ARHGEF18: variants seen among roughly 807,000 people sequenced by gnomAD.
ARHGEF18 encodes rho guanine nucleotide exchange factor 18.
A neutral mutation model predicts 155.7 loss-of-function variants in ARHGEF18; 93 were observed. The observed-to-expected ratio is 0.60, with a 90% CI of 0.50 to 0.71. ARHGEF18 has a LOEUF of 0.71. Among genes scored for constraint, ARHGEF18 ranks in the 30% least tolerant of loss-of-function variants. The pLI, the probability that ARHGEF18 is intolerant of heterozygous loss-of-function variation, is 0.00. For synonymous variants in ARHGEF18, 742 were observed against 753.1 expected (o/e 0.99, Z 0.24); for missense variants, 1,593 against 1,816.1 (o/e 0.88, Z 2.23).
intron 7 of ARHGEF18, among the ~76,000 whole-genome samples, chr19:7,380,314 TA>T (rs374698954): frequency 0.021 from 3,156 of 151,228 alleles, 100 homozygotes; most frequent in East Asian, 0.063. Flanking sequence ...CCGTCTCTAC[TA>T]AAAAATACAA....
At chr19:7,459,865 G>T (rs777225540) in intron 19 of ARHGEF18, 38 bp from the exon 20 acceptor site, 35 of 1,534,266 alleles carry the variant, frequency 2.3e-5, no homozygotes, top group Non-Finnish European at 3.0e-5. Flanking sequence ...TGGCCTGCCT[G>T]GGAAGCACAG....
intron 10 of ARHGEF18, among the ~76,000 whole-genome samples, chr19:7,410,278 C>T (rs1056355182): frequency 6.6e-6 from 1 of 152,028 alleles, no homozygotes; most frequent in Non-Finnish European, 1.5e-5. Context: ...GAAAGAGAAA[C>T]CCCCGGCCTC....
At chr19:7,384,355 GA>G (rs1273547735) in intron 10 of ARHGEF18, among the ~76,000 whole-genome samples, 2 of 152,194 alleles carry the variant, frequency 1.3e-5, no homozygotes, top group African/African-American at 4.8e-5. Flanking sequence ...CTCCAGACAG[GA>G]ATCAATGGGT....
At position 7,352,248 on chromosome 19, in the gene ARHGEF18, C is replaced by G. The variant is rs572773140; in HGVS notation, c.-111+3007C>G. On this transcript the variant is annotated intron_variant, in intron 1 of 28. Transcript: ENST00000668164. Reference sequence around the variant, plus strand: ...AAAGATCACTTTAATCTGATTGTGACCTATGCTGACTTGAAGATGGATTTT... The same window carrying G: ...AAAGATCACTTTAATCTGATTGTGAGCTATGCTGACTTGAAGATGGATTTT... Among the ~76,000 whole-genome samples the G allele has an allele frequency of 1.1e-4, 17 of 151,298 alleles. No homozygotes were observed. In the South Asian group the frequency reaches 3.4e-3, roughly 30 times the overall value.
At chr19:7,378,189 A>G (rs1970551868) in intron 5 of ARHGEF18, among the ~76,000 whole-genome samples, 1 of 152,154 alleles carries the variant, frequency 6.6e-6, no homozygotes, top group African/African-American at 2.4e-5. Context: ...GTAGGTTGTA[A>G]GCACTCACGA....
rs989799167 is a variant in ARHGEF18, at chr19:7,352,811, G to C, written c.-111+3570G>C. Reference sequence around the variant, plus strand: ...GCCTCCCAAAGTGCTGGAATTACAGGTGTGAGTCGCCGTGCCTGGCCTTTT... The same window carrying C: ...GCCTCCCAAAGTGCTGGAATTACAGCTGTGAGTCGCCGTGCCTGGCCTTTT... On this transcript the variant is annotated intron_variant, in intron 1 of 28. Coordinates refer to ENST00000668164, the MANE Select transcript of ARHGEF18 (RefSeq NM_001367823.1). Among the ~76,000 whole-genome samples the C allele has an allele frequency of 2.8e-5, 4 of 142,622 alleles. No homozygotes were observed. The Admixed American group carries it at 2.9e-4, about 10-fold the overall frequency. 93.6% of individuals were successfully genotyped at this position (142,622 alleles called of 152,430 possible). A position where few individuals can be genotyped will look rare whatever the true frequency, so the allele number is the denominator to read the frequency against.
At chr19:7,467,191 C>G in intron 25 of ARHGEF18, 23 bp from the exon 26 acceptor site, 1 of 1,580,002 alleles carries the variant, frequency 6.3e-7, no homozygotes, top group South Asian at 1.1e-5. Context: ...GGCTCTCACT[C>G]GCCTGGCCCT....
intron 14 of ARHGEF18, among the ~76,000 whole-genome samples, chr19:7,445,116 T>A (rs1312954509): frequency 1.3e-5 from 2 of 152,170 alleles, no homozygotes; most frequent in Non-Finnish European, 2.9e-5. Flanking sequence ...TGGTTTTTGG[T>A]TTTTGGTTCA....
downstream of ARHGEF18, among the ~76,000 whole-genome samples, chr19:7,476,341 T>G (rs1200201202): frequency 6.8e-6 from 1 of 146,900 alleles, no homozygotes; most frequent in Non-Finnish European, 1.5e-5. Context: ...GCAATTGATA[T>G]CACATGAGGC....
intron 10 of ARHGEF18, among the ~76,000 whole-genome samples, chr19:7,401,987 C>T (rs1167764407): frequency 6.6e-6 from 1 of 152,154 alleles, no homozygotes; most frequent in South Asian, 2.1e-4. Flanking sequence ...CTGTATGATT[C>T]CATTTATATG....
chr19:7,361,889 G>A (rs1488904393), intron 1 of ARHGEF18, among the ~76,000 whole-genome samples: 2 of 151,784 alleles, frequency 1.3e-5, no homozygotes, highest in East Asian at 1.9e-4. Context: ...CTACTCAGGA[G>A]GCTGAGGCAG....
In ARHGEF18 at chr19:7,383,213, G is replaced by A. The variant is rs1970829953; in HGVS notation, c.967+10G>A. On this transcript the variant is annotated intron_variant, in intron 10 of 28. Transcript: ENST00000668164. ...CCTTTCTTGAGCTCAGGTAAGTCTG[G>A]TGGCCCAATCCATCCTCCTGGAGGG... 1 of 1,232,376 alleles carries A rather than the reference G, an allele frequency of 8.1e-7. No homozygotes were observed. 76.3% of individuals were successfully genotyped at this position (1,232,376 alleles called of 1,614,324 possible).
At chr19:7,450,618 C>CTGTCTG (rs1975343376) in intron 15 of ARHGEF18, among the ~76,000 whole-genome samples, 1 of 102 alleles carries the variant, frequency 9.8e-3, no homozygotes, top group African/African-American at 0.05. Flanking sequence ...TGGGATCTTG[C>CTGTCTG]TTTCCATTTC....
intron 10 of ARHGEF18, among the ~76,000 whole-genome samples, chr19:7,400,866 G>T (rs1971991791): frequency 1.3e-5 from 2 of 152,072 alleles, no homozygotes; most frequent in Non-Finnish European, 2.9e-5. Context: ...ATGAAAAGAG[G>T]GAGTCCTGAG....
chr19:7,416,695 C>T (rs1269424940), intron 10 of ARHGEF18, among the ~76,000 whole-genome samples: 7 of 150,430 alleles, frequency 4.7e-5, no homozygotes, highest in African/African-American at 1.2e-4. Flanking sequence ...CTCTGCCTCC[C>T]GGGTTCACAC....
Position 7,410,887 on chromosome 19 carries a change from T to TAA in ARHGEF18, c.967+27689_967+27690dup, listed in dbSNP as rs79760255. Among the ~76,000 whole-genome samples the TAA allele has an allele frequency of 1.7e-3, 254 of 150,276 alleles. 6 individuals are homozygous for TAA. The East Asian group carries it at 0.042, about 25-fold the overall frequency. On this transcript the variant is annotated intron_variant, in intron 10 of 28. Transcript: ENST00000668164. ...AGTCAATAGAACTAACATAATTGTT[T>TAA]AAAAAATGCCACGCACTGCCCTTCC...
chr19:7,364,816 G>A (rs1056235815), intron 2 of ARHGEF18, among the ~76,000 whole-genome samples: 1 of 152,170 alleles, frequency 6.6e-6, no homozygotes, highest in African/African-American at 2.4e-5. Flanking sequence ...ACATAGTTCA[G>A]CTCCAGCTCC....
At position 7,462,459 on chromosome 19, in the gene ARHGEF18, G is replaced by C. The variant is rs905595927; in HGVS notation, c.2635+125G>C. 1.4e-4 allele frequency: 10 copies of C among 71,390 alleles called. No individual in the cohort carries two copies. Among genetic ancestry groups the C allele is most frequent in the South Asian group, 3.5e-4 (1 of 2,824 alleles). 4.4% of individuals were successfully genotyped at this position (71,390 alleles called of 1,614,324 possible). On this transcript the variant is annotated intron_variant, in intron 21 of 28. Coordinates refer to ENST00000668164, the MANE Select transcript of ARHGEF18 (RefSeq NM_001367823.1). The surrounding 1 kb of genome is among the most constrained non-coding windows in gnomAD (Gnocchi z 4.4). ...CCCTGTCCAGGACAGGCTTCTATGT[G>C]GGGGGGGCCCAGGAGCAGCACTGAC...
At chr19:7,477,114 G>A (rs1053055757), downstream of ARHGEF18, 2 of 1,253,778 alleles carry the variant, frequency 1.6e-6, no homozygotes, top group South Asian at 3.6e-5. Context: ...AGCTCCATGA[G>A]AGCCCCGGCC....
Sources: allele counts gnomAD v4.1 joint callset (sites outside exome capture counted in the v4.1 genomes callset), GRCh38; gene constraint gnomAD v4.1.1; non-coding constraint Gnocchi (gnomAD v3.1); transcripts MANE v1.5; gene names NCBI Gene and HGNC (gene_info 2026-07-23, HGNC 2026-07-21).